The following ADAMTS1 variants were observed in gnomAD, a reference collection of about 807,000 sequenced individuals.
ADAMTS1 encodes the protein ADAM metallopeptidase with thrombospondin type 1 motif 1.
A neutral mutation model predicts 87.9 loss-of-function variants in ADAMTS1; 19 were observed. The ratio of observed to expected loss-of-function variants is 0.22; its 90% CI spans 0.15 to 0.32. ADAMTS1 has a LOEUF of 0.32. Among genes scored for constraint, ADAMTS1 ranks in the 10% least tolerant of loss-of-function variants. The probability of loss-of-function intolerance (pLI) is 1.00; values close to 1 mark genes in which losing one functional copy is unlikely to be tolerated. For missense variants in ADAMTS1, 1,240 were observed against 1,259.1 expected (o/e 0.98, Z 0.23); for synonymous variants, 542 against 501.8 (o/e 1.08, Z -1.07).
In ADAMTS1 at chr21:26,837,599, T is replaced by C; in HGVS notation, c.2884A>G (p.Thr962Ala). 1 of 1,614,134 alleles carries C rather than the reference T, an allele frequency of 6.2e-7. No individual in the cohort carries two copies. ...ACCACTTAACTGCATTCTGCCATTG[T>C]GCAAAAGTCTATGAAATGTTTAGGT... ...KKPKHFIDFCTMAECS is the reference protein window; with the variant it reads ...KKPKHFIDFCAMAECS Residue 962 changes from threonine (T) to alanine (A), a missense_variant, in exon 9 of 9, where the codon ACA (threonine) becomes GCA (alanine). By Grantham distance (58) the Thr-to-Ala change is moderately conservative. This residue lies in a region of ADAMTS1 where 402 missense variants were observed against 399.1 expected (regional missense o/e 1.01). Transcript: ENST00000284984.
Position 26,844,882 on chromosome 21 carries a change from G to C in ADAMTS1, c.73C>G (p.Pro25Ala), listed in dbSNP as rs1985588716. Reference sequence around the variant, plus strand: ...ACTGGCCCAAAGCTCCGAGACCCCGGAGCCCGCTCCGCGTTCCCCATGTCG... The same window carrying C: ...ACTGGCCCAAAGCTCCGAGACCCCGCAGCCCGCTCCGCGTTCCCCATGTCG... ...GSDMGNAERA[P>A]GSRSFGPVPT... is the part of the protein sequence containing the mutation. The change falls in exon 1 of 9, where the codon CCG (proline) becomes GCG (alanine). Residue 25 changes from proline (P) to alanine (A), a missense_variant. Coordinates refer to ENST00000284984, the MANE Select transcript of ADAMTS1 (RefSeq NM_006988.5). 6.5e-7 allele frequency: 1 copy of C among 1,538,792 alleles called. No homozygotes were observed.
intron 8 of ADAMTS1, 27 bp from the exon 9 acceptor site, chr21:26,838,305 T>A: frequency 6.3e-7 from 1 of 1,582,794 alleles, no homozygotes; most frequent in Non-Finnish European, 8.6e-7. Flanking sequence ...CAGGCATAAA[T>A]CTCTGATTCA....
Position 26,844,335 on chromosome 21 carries a change from G to A in ADAMTS1, c.620C>T (p.Pro207Leu). 1 of 1,606,844 alleles carries A rather than the reference G, an allele frequency of 6.2e-7. No homozygotes were observed. Among genetic ancestry groups the A allele is most frequent in the Non-Finnish European group, 8.5e-7 (1 of 1,178,260 alleles). Residue 207 changes from proline to leucine, a missense_variant, in exon 1 of 9, where the codon CCG becomes CTG. Physicochemically the swap from Pro to Leu is moderately conservative, Grantham distance 98 (BLOSUM62 -3). Coordinates refer to ENST00000284984, the MANE Select transcript of ADAMTS1 (RefSeq NM_006988.5). ...TCGVVDDEPRPTGKAETEDED... is the reference protein window; with the variant it reads ...TCGVVDDEPRLTGKAETEDED... ...GTCTTCGGTCTCCGCTTTCCCAGTC[G>A]GCCGGGGCTCGTCGTCCACGACCCC...
chr21:26,843,329 C>G lies in ADAMTS1; in HGVS notation c.731-644G>C, dbSNP rs377017085. On this transcript the variant is annotated intron_variant, in intron 1 of 8. Transcript: ENST00000284984. ...TTATTTGGAACAGAGCCTTCCACTC[C>G]GGACTGAGACCCAACCCCTGCAGAA... is the stretch of plus-strand genomic sequence containing the variant. 29 of 389,874 alleles carry G rather than the reference C, an allele frequency of 7.4e-5. No individual in the cohort carries two copies. In the East Asian group the frequency reaches 1.7e-3, roughly 23 times the overall value. The allele number at this position is 389,874 out of a possible 1,614,324, so 24.2% of individuals were successfully genotyped here.
In ADAMTS1 at chr21:26,844,708, G is replaced by T; in HGVS notation, c.247C>A (p.Gln83Lys). 1 of 1,588,066 alleles carries T rather than the reference G, an allele frequency of 6.3e-7. No homozygotes were observed. The highest frequency in any genetic ancestry group is 1.8e-5 in the Admixed American group (1 of 56,242). The change falls in exon 1 of 9, where the codon CAG becomes AAG. Residue 83 changes from glutamine (Q) to lysine (K), a missense_variant. Gln to Lys is a moderately conservative substitution (Grantham distance 53). Coordinates refer to ENST00000284984, the MANE Select transcript of ADAMTS1 (RefSeq NM_006988.5). ...GGCCGCAGCTCCAGATCCAGCTGCT[G>T]GTCAAAGGCGTGCAGGCGGAGGCGC... ...TTRLRLHAFD[Q>K]QLDLELRPDS... is the part of the protein sequence containing the mutation.
At position 26,844,286 on chromosome 21, in the gene ADAMTS1, C is replaced by G; in HGVS notation, c.669G>C (p.Glu223Asp). The change falls in exon 1 of 9, where the codon GAG (glutamate) becomes GAC (aspartate). Residue 223 changes from glutamate (E) to aspartate (D), a missense_variant. By Grantham distance (45) the Glu-to-Asp change is conservative. Coordinates refer to ENST00000284984, the MANE Select transcript of ADAMTS1 (RefSeq NM_006988.5). ...GCGGCGACCACTGAGCCCCTTCGTCCTCGCCCTCAGTCCCTTCGTCCTCGT... is the reference window on the plus strand; with the variant it reads ...GCGGCGACCACTGAGCCCCTTCGTCGTCGCCCTCAGTCCCTTCGTCCTCGT... ...TEDEDEGTEG[E>D]DEGAQWSPQD... The G allele has an allele frequency of 6.2e-7, 1 of 1,606,026 alleles. No individual in the cohort carries two copies. The highest frequency in any genetic ancestry group is 8.5e-7 in the Non-Finnish European group (1 of 1,176,672).
chr21:26,840,195 G>A (rs112725331), intron 5 of ADAMTS1, 81 bp downstream of exon 5: 10 of 1,562,946 alleles, frequency 6.4e-6, no homozygotes, highest in African/African-American at 5.4e-5. Flanking sequence ...GACACGGATG[G>A]GGATGTTTAA....
At position 26,845,188 on chromosome 21, in the gene ADAMTS1, C is replaced by T. The variant is rs553654604; in HGVS notation, c.-234G>A. On this transcript the variant is annotated 5_prime_UTR_variant, in exon 1 of 9. Coordinates refer to ENST00000284984, the MANE Select transcript of ADAMTS1 (RefSeq NM_006988.5). ...TTTTCTTCCAGCGCAAAGTTGGAGACACTGAGAGGCAGGCGCAGGCAGAGT... is the reference window on the plus strand; with the variant it reads ...TTTTCTTCCAGCGCAAAGTTGGAGATACTGAGAGGCAGGCGCAGGCAGAGT... 9.3e-5 allele frequency: 43 copies of T among 464,492 alleles called. No individual in the cohort carries two copies. Among genetic ancestry groups the T allele is most frequent in the African/African-American group, 8.5e-4 (42 of 49,588 alleles). 28.8% of individuals were successfully genotyped at this position (464,492 alleles called of 1,614,324 possible).
chr21:26,837,597 T>C lies in ADAMTS1; in HGVS notation c.2886A>G (p.Thr962=), dbSNP rs201369774. The C allele has an allele frequency of 6.2e-6, 10 of 1,613,870 alleles. No homozygotes were observed. The African/African-American group carries it at 1.3e-4, about 22-fold the overall frequency. Residue 962 remains threonine, a synonymous_variant, in exon 9 of 9, where the codon ACA becomes ACG. Transcript: ENST00000284984. ...KKPKHFIDFC[T]MAECS ...AAACCACTTAACTGCATTCTGCCAT[T>C]GTGCAAAAGTCTATGAAATGTTTAG...
At position 26,840,491 on chromosome 21, in the gene ADAMTS1, C is replaced by T. The variant is rs114895659; in HGVS notation, c.1450G>A (p.Ala484Thr). The change falls in exon 5 of 9, where the codon GCC becomes ACC. Residue 484 changes from alanine (A) to threonine (T), a missense_variant. Physicochemically the swap from Ala to Thr is moderately conservative, Grantham distance 58. Around this residue, in one of 3 missense-constraint regions of ADAMTS1, gnomAD observed 317 missense variants for 410.3 expected, o/e 0.77. Transcript: ENST00000284984. ...PGDLPGTSYD[A>T]NRQCQFTFGE... is the part of the protein sequence containing the mutation. Reference sequence around the variant, plus strand: ...AATGTAAACTGGCACTGCCGGTTGGCATCGTACGAGGTGCCAGGGAGATCG... The same window carrying T: ...AATGTAAACTGGCACTGCCGGTTGGTATCGTACGAGGTGCCAGGGAGATCG... 1.9e-6 allele frequency: 3 copies of T among 1,614,226 alleles called. No homozygotes were observed. The highest frequency in any genetic ancestry group is 1.3e-5 in the African/African-American group (1 of 75,048).
At position 26,837,274 on chromosome 21, in the gene ADAMTS1, CTTTG is replaced by C. The variant is rs199861650; in HGVS notation, c.*301_*304del. 376 of 268,192 alleles carry C rather than the reference CTTTG, an allele frequency of 1.4e-3. 1 individual carries two copies. The East Asian group carries it at 0.024, about 17-fold the overall frequency. 16.6% of individuals were successfully genotyped at this position (268,192 alleles called of 1,614,324 possible). A position where few individuals can be genotyped will look rare whatever the true frequency, so the allele number is the denominator to read the frequency against. On this transcript the variant is annotated 3_prime_UTR_variant, in exon 9 of 9. Transcript: ENST00000284984. Reference sequence around the variant, plus strand: ...TAGTTCTAACTTTTTTTGACAATTGCTTTGTTTTTTCTAAACTTGTAATAGATGT... The same window carrying C: ...TAGTTCTAACTTTTTTTGACAATTGCTTTTTTCTAAACTTGTAATAGATGT...
chr21:26,837,533 C>G lies in ADAMTS1; in HGVS notation c.*46G>C. ...CCTTCTTGCTTTCCCTGCACCAGCC[C>G]TTCCTCACTTTGCCTTGCCCTCAAA... On this transcript the variant is annotated 3_prime_UTR_variant, in exon 9 of 9. Transcript: ENST00000284984. 1 of 1,564,236 alleles carries G rather than the reference C, an allele frequency of 6.4e-7. No homozygotes were observed.
At chr21:26,842,318 C>A in intron 2 of ADAMTS1, 21 bp downstream of exon 2, 2 of 1,605,682 alleles carry the variant, frequency 1.2e-6, no homozygotes, top group African/African-American at 1.3e-5. Flanking sequence ...AGTCTCACAG[C>A]TGGTACCATC....
Position 26,840,554 on chromosome 21 carries a change from A to G in ADAMTS1, c.1387T>C (p.Leu463=). Residue 463 remains leucine, a synonymous_variant, in exon 5 of 9, where the codon TTG becomes CTG. Coordinates refer to ENST00000284984, the MANE Select transcript of ADAMTS1 (RefSeq NM_006988.5). ...ATGGGATTCTGAGGCTTGTCCATCA[A>G]ACATTCCCCTGCAAAGGAAATGCCA... The part of the protein sequence containing the change: ...SFLDNGHGEC[L]MDKPQNPIQL... 1 of 1,613,508 alleles carries G rather than the reference A, an allele frequency of 6.2e-7. No homozygotes were observed. Among genetic ancestry groups the G allele is most frequent in the Non-Finnish European group, 8.5e-7 (1 of 1,179,458 alleles).
chr21:26,842,888 G>T (rs1985525834), intron 1 of ADAMTS1: 5 of 583,902 alleles, frequency 8.6e-6, no homozygotes, highest in Non-Finnish European at 1.2e-5. Context: ...AAGACCACGC[G>T]CTCCTTTGCA....
chr21:26,840,123 A>G, intron 5 of ADAMTS1, 62 bp from the exon 6 acceptor site: 2 of 1,562,592 alleles, frequency 1.3e-6, no homozygotes, highest in Non-Finnish European at 1.7e-6. Flanking sequence ...AGGGTATCAA[A>G]GAAAGCCACA....
At position 26,837,401 on chromosome 21, in the gene ADAMTS1, A is replaced by G. The variant is rs1985388678; in HGVS notation, c.*178T>C. 1 of 603,018 alleles carries G rather than the reference A, an allele frequency of 1.7e-6. No individual in the cohort carries two copies. Among genetic ancestry groups the G allele is most frequent in the Non-Finnish European group, 2.9e-6 (1 of 343,178 alleles). The allele number at this position is 603,018 out of a possible 1,614,324, so 37.4% of individuals were successfully genotyped here. A position where few individuals can be genotyped will look rare whatever the true frequency, so the allele number is the denominator to read the frequency against. On this transcript the variant is annotated 3_prime_UTR_variant, in exon 9 of 9. Coordinates refer to ENST00000284984, the MANE Select transcript of ADAMTS1 (RefSeq NM_006988.5). The stretch of plus-strand genomic sequence containing the variant: ...CACTAACTATCCTATCAAATTTGCA[A>G]CTGGCAGTTTACTCTGATGATTCAA...
In ADAMTS1 at chr21:26,844,285, C is replaced by T; in HGVS notation, c.670G>A (p.Asp224Asn). The T allele has an allele frequency of 6.2e-7, 1 of 1,605,960 alleles. No individual in the cohort carries two copies. Among genetic ancestry groups the T allele is most frequent in the Non-Finnish European group, 8.5e-7 (1 of 1,176,584 alleles). The change falls in exon 1 of 9, where the codon GAC becomes AAC. Residue 224 changes from aspartate (D) to asparagine (N), a missense_variant. Asp to Asn is a conservative substitution (Grantham distance 23). Around this residue, in one of 3 missense-constraint regions of ADAMTS1, gnomAD observed 521 missense variants for 449.7 expected, o/e 1.16. Coordinates refer to ENST00000284984, the MANE Select transcript of ADAMTS1 (RefSeq NM_006988.5). ...EDEDEGTEGE[D>N]EGAQWSPQDP... ...TGCGGCGACCACTGAGCCCCTTCGT[C>T]CTCGCCCTCAGTCCCTTCGTCCTCG...
At position 26,837,329 on chromosome 21, in the gene ADAMTS1, C is replaced by A; in HGVS notation, c.*250G>T. 1 of 415,862 alleles carries A rather than the reference C, an allele frequency of 2.4e-6. No individual in the cohort carries two copies. The highest frequency in any genetic ancestry group is 3.5e-5 in the East Asian group (1 of 28,390). 25.8% of individuals were successfully genotyped at this position (415,862 alleles called of 1,614,324 possible). A position where few individuals can be genotyped will look rare whatever the true frequency, so the allele number is the denominator to read the frequency against. On this transcript the variant is annotated 3_prime_UTR_variant, in exon 9 of 9. Transcript: ENST00000284984. ...AACAAAAGAAATAATAATAATAATG[C>A]CCGGGGCTTTATTATGCTATATCAC...
Sources: allele counts gnomAD v4.1 joint callset, GRCh38; gene constraint gnomAD v4.1.1; regional missense constraint gnomAD v4.1.1; transcripts MANE v1.5; gene names NCBI Gene and HGNC (gene_info 2026-07-23, HGNC 2026-07-21).